The following ANK2 variants were observed in gnomAD, a reference collection of about 807,000 sequenced individuals.
ANK2 encodes the protein ankyrin-2.
A neutral mutation model predicts 360.5 loss-of-function variants in ANK2; 83 were observed. The ratio of observed to expected loss-of-function variants is 0.23; its 90% CI spans 0.19 to 0.28. The LOEUF (loss-of-function observed/expected upper bound fraction) is 0.28. Ranked by LOEUF, ANK2 falls within the 10% of genes least tolerant of loss-of-function variation. The pLI is 1.00. For synonymous variants in ANK2, 1,740 were observed against 1,759.5 expected (o/e 0.99, Z 0.28); for missense variants, 4,201 against 4,795.7 (o/e 0.88, Z 3.66).
At chr4:113,242,650 A>G (rs1585837376) in intron 9 of ANK2, among the ~76,000 whole-genome samples, 1 of 152,342 alleles carries the variant, frequency 6.6e-6, no homozygotes, top group East Asian at 1.9e-4. Context: ...TTTCTTAAGC[A>G]GCTATGCTAT....
At chr4:112,908,304 G>T (rs567171816) in intron 2 of ANK2, among the ~76,000 whole-genome samples, 15 of 152,306 alleles carry the variant, frequency 9.8e-5, no homozygotes, top group African/African-American at 3.6e-4. Flanking sequence ...TGAAATGGAG[G>T]CTCATAGAGG....
intron 1 of ANK2, among the ~76,000 whole-genome samples, chr4:113,173,200 T>A (rs1213829202): frequency 6.6e-6 from 1 of 152,226 alleles, no homozygotes; most frequent in African/African-American, 2.4e-5. Context: ...TGGTTTTCAG[T>A]CTTTCCATGT....
At chr4:113,227,547 G>A (rs1333965820) in intron 4 of ANK2, among the ~76,000 whole-genome samples, 1 of 152,146 alleles carries the variant, frequency 6.6e-6, no homozygotes, top group Non-Finnish European at 1.5e-5. Context: ...TTTACACATG[G>A]AGACTCCAAT....
chr4:112,864,391 T>A (rs1387921257), intron 1 of ANK2, among the ~76,000 whole-genome samples: 3 of 152,134 alleles, frequency 2.0e-5, no homozygotes, highest in Middle Eastern at 3.4e-3. Flanking sequence ...CTCTATGCAA[T>A]CTCCGCCTCC....
intron 1 of ANK2, among the ~76,000 whole-genome samples, chr4:113,056,369 A>G (rs1188771856): frequency 6.6e-6 from 1 of 152,172 alleles, no homozygotes; most frequent in Admixed American, 6.6e-5. Flanking sequence ...CTAAAGAGAC[A>G]TTTGATTGCA....
intron 2 of ANK2, among the ~76,000 whole-genome samples, chr4:112,938,913 G>A (rs1032150997): frequency 2.6e-4 from 39 of 152,288 alleles, no homozygotes; most frequent in African/African-American, 8.2e-4. Context: ...ATCTAGAACA[G>A]TACCTGCCAC....
the ANK2 span, among the ~76,000 whole-genome samples, chr4:112,793,504 CCT>C: frequency 6.6e-6 from 1 of 151,682 alleles, no homozygotes; most frequent in Non-Finnish European, 1.5e-5. Context: ...TCTGAAAACC[CCT>C]GTTAATAATT....
At chr4:112,876,297 A>C (rs986523336) in intron 1 of ANK2, among the ~76,000 whole-genome samples, 6 of 152,316 alleles carry the variant, frequency 3.9e-5, no homozygotes, top group Admixed American at 3.9e-4. Flanking sequence ...ACGTACTTTA[A>C]AATGTTAATT....
the ANK2 span, among the ~76,000 whole-genome samples, chr4:112,709,969 C>T: frequency 6.6e-6 from 1 of 152,108 alleles, no homozygotes; most frequent in African/African-American, 2.4e-5. Flanking sequence ...ATTTATGGCA[C>T]CAAACTAGTG....
intron 1 of ANK2, among the ~76,000 whole-genome samples, chr4:113,061,043 C>G (rs1309073507): frequency 6.6e-6 from 1 of 152,016 alleles, no homozygotes; most frequent in Non-Finnish European, 1.5e-5. Context: ...GTTAAAGAAC[C>G]AGTAGGACTG....
chr4:112,840,581 A>G lies in ANK2; in HGVS notation c.-40+22317A>G, dbSNP rs1340983977. On this transcript the variant is annotated intron_variant, in intron 1 of 30. Transcript: ENST00000503271. ...CATAATGTAGCCCCTGGGGTGTCCA[A>G]AGAGGAAGAATATAGCTGACAGCTA... 3.3e-5 allele frequency among the ~76,000 whole-genome samples: 5 copies of G among 152,220 alleles called. No homozygotes were observed. In the East Asian group the frequency reaches 7.7e-4, roughly 23 times the overall value.
chr4:112,738,412 C>CAAAAAA, the ANK2 span, among the ~76,000 whole-genome samples: 1 of 51,008 alleles, frequency 2.0e-5, no homozygotes, highest in African/African-American at 6.8e-5. Context: ...GAGTCTGTCT[C>CAAAAAA]AAAAAAAAAA....
chr4:113,335,746 G>A (rs2093440273), intron 29 of ANK2, 100 bp from the exon 30 acceptor site: 5 of 1,238,764 alleles, frequency 4.0e-6, no homozygotes, highest in Admixed American at 3.6e-5. Flanking sequence ...TGTTTTGCTG[G>A]CACTTCTGTT....
chr4:113,365,030 ATG>A lies in ANK2; in HGVS notation c.10889-5_10889-4del, dbSNP rs777932988. ...AGACATAATAAATGCTGTTTCTCTA[ATG>A]TGTCAGATACCAACCTCGTTGAATG... On this transcript the variant is annotated splice_polypyrimidine_tract_variant and splice_region_variant and intron_variant, in intron 40 of 45. Transcript: ENST00000357077. 1.5e-5 allele frequency: 24 copies of A among 1,613,600 alleles called. No homozygotes were observed. In the South Asian group the frequency reaches 2.6e-4, roughly 18 times the overall value.
intron 1 of ANK2, among the ~76,000 whole-genome samples, chr4:112,825,369 A>G (rs1374988883): frequency 6.6e-6 from 1 of 152,158 alleles, no homozygotes; most frequent in Non-Finnish European, 1.5e-5. Flanking sequence ...AAAGAAAAAG[A>G]CTATCCACTG....
At chr4:112,709,176 T>G in the ANK2 span, among the ~76,000 whole-genome samples, 2 of 152,228 alleles carry the variant, frequency 1.3e-5, no homozygotes, top group African/African-American at 2.4e-5. Context: ...GTATCTTTTC[T>G]GTGTTTTATA....
At chr4:112,904,796 GA>G (rs2084650091) in intron 2 of ANK2, among the ~76,000 whole-genome samples, 1 of 152,060 alleles carries the variant, frequency 6.6e-6, no homozygotes, top group African/African-American at 2.4e-5. Flanking sequence ...GTGGAGGAAA[GA>G]AATCTGAATA....
At chr4:112,953,105 G>A (rs116694311) in intron 2 of ANK2, among the ~76,000 whole-genome samples, 1,732 of 152,244 alleles carry the variant, frequency 0.011, 40 homozygotes, top group African/African-American at 0.039. Context: ...CAGAGAGGTA[G>A]AGCAATTTGC....
intron 1 of ANK2, among the ~76,000 whole-genome samples, chr4:113,161,280 T>C (rs2097525822): frequency 6.6e-6 from 1 of 152,232 alleles, no homozygotes; most frequent in Admixed American, 6.5e-5. Context: ...ACGTGGATTT[T>C]TGTTGACAGA....
Sources: gnomAD v4.1 joint callset for allele counts (sites outside exome capture counted in the v4.1 genomes callset) on GRCh38, gnomAD v4.1.1 for gene constraint, MANE v1.5 for transcripts, NCBI Gene and HGNC (gene_info 2026-07-23, HGNC 2026-07-21) for gene names.